STK40: variants seen among roughly 807,000 people sequenced by gnomAD.
STK40 encodes the protein serine/threonine kinase 40.
A neutral mutation model predicts 47.9 loss-of-function variants in STK40; 13 were observed. The observed-to-expected ratio is 0.27, with a 90% CI of 0.18 to 0.43. The LOEUF (loss-of-function observed/expected upper bound fraction) is 0.43. Ranked by LOEUF, STK40 falls within the 20% of genes least tolerant of loss-of-function variation. STK40 has a pLI of 1.00. For synonymous variants in STK40, 225 were observed against 243.2 expected (o/e 0.93, Z 0.69); for missense variants, 460 against 595.1 (o/e 0.77, Z 2.36).
chr1:36,343,777 G>A, intron 9 of STK40, 83 bp downstream of exon 9: 2 of 1,505,494 alleles, frequency 1.3e-6, no homozygotes, highest in Middle Eastern at 1.8e-4. Flanking sequence ...GAAGCAGGCT[G>A]ACTACTGGCT....
At chr1:36,344,040 C>A (rs1646677929) in intron 8 of STK40, 61 bp from the exon 9 acceptor site, 2 of 1,588,248 alleles carry the variant, frequency 1.3e-6, no homozygotes, top group South Asian at 2.3e-5. Flanking sequence ...GGCCAGGATG[C>A]CCAGGCTCAC....
intron 1 of STK40, among the ~76,000 whole-genome samples, chr1:36,384,155 G>A (rs573140935): frequency 9.2e-5 from 14 of 151,690 alleles, no homozygotes; most frequent in Non-Finnish European, 1.3e-4. Context: ...TCAGCCTCCC[G>A]AGTAGCTGGG....
At chr1:36,355,130 G>A (rs768226218) in intron 5 of STK40, 76 bp downstream of exon 5, 46 of 1,464,190 alleles carry the variant, frequency 3.1e-5, no homozygotes, top group Non-Finnish European at 4.3e-5. Flanking sequence ...ACAGGACAGA[G>A]CTGCCTTCTG....
At chr1:36,378,268 G>C (rs981229870) in intron 1 of STK40, among the ~76,000 whole-genome samples, 5 of 152,150 alleles carry the variant, frequency 3.3e-5, no homozygotes, top group African/African-American at 1.2e-4. Flanking sequence ...TGGAGGAAGG[G>C]AACATGGGCT....
chr1:36,384,031 C>CCT (rs1553140343), intron 1 of STK40, among the ~76,000 whole-genome samples: 1 of 131,954 alleles, frequency 7.6e-6, no homozygotes, highest in African/African-American at 2.8e-5. Flanking sequence ...TCTTCTTCTT[C>CCT]TTTTTTTTTT....
intron 1 of STK40, among the ~76,000 whole-genome samples, chr1:36,384,450 A>G (rs1304280542): frequency 1.3e-5 from 2 of 152,270 alleles, no homozygotes; most frequent in Non-Finnish European, 2.9e-5. Flanking sequence ...TTACGTGGCA[A>G]ACATGGTTGT....
At chr1:36,344,783 G>T (rs1646685886) in intron 7 of STK40, among the ~76,000 whole-genome samples, 1 of 152,222 alleles carries the variant, frequency 6.6e-6, no homozygotes, top group Non-Finnish European at 1.5e-5. Flanking sequence ...GAGCCCCAGT[G>T]CCCAGCACGG....
intron 10 of STK40, chr1:36,342,812 G>C (rs1646667427): frequency 1.2e-5 from 3 of 242,570 alleles, no homozygotes; most frequent in Non-Finnish European, 2.4e-5. Context: ...TCCAAGGTGG[G>C]CCAGGGAGGG....
At chr1:36,377,120 G>A (rs1055916288) in intron 1 of STK40, among the ~76,000 whole-genome samples, 1 of 152,104 alleles carries the variant, frequency 6.6e-6, no homozygotes, top group East Asian at 1.9e-4. Flanking sequence ...AAGGGCCCAA[G>A]GAGGGGAGGG....
At position 36,358,245 on chromosome 1, in the gene STK40, G is replaced by A; in HGVS notation, c.336C>T (p.Leu112=). The A allele has an allele frequency of 6.3e-7, 1 of 1,585,244 alleles. No homozygotes were observed. The highest frequency in any genetic ancestry group is 1.1e-5 in the South Asian group (1 of 89,960). ...TQDGVVHHHG[L]FQDRTCEIVE... is the part of the protein sequence containing the mutation. Reference sequence around the variant, plus strand: ...GAGGGGGAAGGCCGCTCACCTGGAAGAGGCCGTGGTGGTGCACCACGCCAT... The same window carrying A: ...GAGGGGGAAGGCCGCTCACCTGGAAAAGGCCGTGGTGGTGCACCACGCCAT... Residue 112 remains leucine, a synonymous_variant, in exon 4 of 11, where the codon CTC becomes CTT. Transcript: ENST00000373132.
chr1:36,375,786 T>C (rs554085801), intron 1 of STK40, among the ~76,000 whole-genome samples: 60 of 152,062 alleles, frequency 3.9e-4, no homozygotes, highest in African/African-American at 1.3e-3. Flanking sequence ...TTTGGGAGGC[T>C]GAGGCGGGTG....
chr1:36,383,926 A>C (rs1647062457), intron 1 of STK40, among the ~76,000 whole-genome samples: 2 of 150,268 alleles, frequency 1.3e-5, no homozygotes, highest in Admixed American at 6.6e-5. Flanking sequence ...TTCATGGCAC[A>C]CTCCCGTCCC....
chr1:36,352,564 G>A (rs1252469499), intron 6 of STK40, among the ~76,000 whole-genome samples: 3 of 152,142 alleles, frequency 2.0e-5, no homozygotes, highest in Non-Finnish European at 2.9e-5. Flanking sequence ...TGCTGCTTCC[G>A]TCCTCCTCAA....
intron 1 of STK40, among the ~76,000 whole-genome samples, chr1:36,368,732 C>T (rs1247829516): frequency 1.3e-5 from 2 of 152,134 alleles, no homozygotes; most frequent in East Asian, 1.9e-4. Context: ...CAAAGAAATA[C>T]AATGGGTGAT....
At chr1:36,342,530 T>C (rs575216948) in intron 10 of STK40, 4 of 162,404 alleles carry the variant, frequency 2.5e-5, no homozygotes, top group Admixed American at 1.7e-4. Context: ...CTGTGTGGCT[T>C]TGGGAAAGTC....
intron 1 of STK40, 25 bp from the exon 2 acceptor site, chr1:36,361,365 C>T (rs1557515714): frequency 1.2e-6 from 2 of 1,613,538 alleles, no homozygotes. Flanking sequence ...AAGACCCCTT[C>T]TCACTGAGTA....
intron 1 of STK40, among the ~76,000 whole-genome samples, chr1:36,376,163 C>T (rs1646990852): frequency 1.3e-5 from 2 of 152,194 alleles, no homozygotes; most frequent in Non-Finnish European, 2.9e-5. Context: ...GCAGGCGATC[C>T]CTTCAGAGTG....
Position 36,370,216 on chromosome 1 carries a change from T to C in STK40, c.-8-8876A>G, listed in dbSNP as rs148898507. 7.7e-3 allele frequency among the ~76,000 whole-genome samples: 1,169 copies of C among 152,356 alleles called. 2 individuals carry two copies. Among genetic ancestry groups the C allele is most frequent in the Middle Eastern group, 0.024 (7 of 294 alleles). On this transcript the variant is annotated intron_variant, in intron 1 of 10. Coordinates refer to ENST00000373132, the MANE Select transcript of STK40 (RefSeq NM_001282547.2). The stretch of plus-strand genomic sequence containing the variant: ...TGAAGAATTAAAACTGTTCATAACA[T>C]GCCTGCAGCTGTGCAGAAGCCCTCA...
chr1:36,349,878 G>A (rs573754098), intron 6 of STK40, among the ~76,000 whole-genome samples: 10 of 152,276 alleles, frequency 6.6e-5, no homozygotes, highest in East Asian at 3.9e-4. Context: ...CTCCTGTGTC[G>A]GCTGGCTGGG....
Sources: gnomAD v4.1 joint callset for allele counts (sites outside exome capture counted in the v4.1 genomes callset) on GRCh38, gnomAD v4.1.1 for gene constraint, MANE v1.5 for transcripts, NCBI Gene and HGNC (gene_info 2026-07-23, HGNC 2026-07-21) for gene names.